The following SHANK2 variants were observed in gnomAD, a reference collection of about 807,000 sequenced individuals.
SHANK2 encodes SH3 and multiple ankyrin repeat domains protein 2.
SHANK2 carries 43 observed loss-of-function variants against 133.7 expected under a neutral mutation model. The observed-to-expected ratio is 0.32, with a 90% CI of 0.25 to 0.41. The LOEUF (loss-of-function observed/expected upper bound fraction) is 0.41, where lower values mean the gene tolerates loss of function less well. Among genes scored for constraint, SHANK2 ranks in the 10% least tolerant of loss-of-function variants. The pLI is 1.00. For synonymous variants in SHANK2, 1,017 were observed against 952.8 expected (o/e 1.07, Z -1.24); for missense variants, 1,994 against 2,235.8 (o/e 0.89, Z 2.18).
chr11:70,562,149 G>C (rs2059914688), intron 17 of SHANK2, among the ~76,000 whole-genome samples: 1 of 152,128 alleles, frequency 6.6e-6, no homozygotes, highest in African/African-American at 2.4e-5. Context: ...TTCCGTTTTG[G>C]TTAGAGCTCA....
chr11:70,571,765 T>G (rs2060048270), intron 17 of SHANK2, among the ~76,000 whole-genome samples: 1 of 151,650 alleles, frequency 6.6e-6, no homozygotes, highest in African/African-American at 2.4e-5. Flanking sequence ...GGAGAAGTGA[T>G]GAACCCTGAG....
At chr11:70,874,067 T>C (rs1555070717) in intron 11 of SHANK2, among the ~76,000 whole-genome samples, 12 of 152,206 alleles carry the variant, frequency 7.9e-5, no homozygotes. Context: ...CATCTACCTA[T>C]AGATCCATCC....
At chr11:71,206,946 C>T (rs1200189550) in intron 2 of SHANK2, among the ~76,000 whole-genome samples, 1 of 152,000 alleles carries the variant, frequency 6.6e-6, no homozygotes, top group Non-Finnish European at 1.5e-5. Flanking sequence ...ATTAGCCAGG[C>T]ATGGTTGTGC....
intron 11 of SHANK2, among the ~76,000 whole-genome samples, chr11:70,887,460 G>A (rs1949765418): frequency 2.0e-5 from 3 of 151,526 alleles, no homozygotes; most frequent in African/African-American, 4.9e-5. Context: ...AGAACGCTTC[G>A]CGGCAGGCTG....
Position 70,500,873 on chromosome 11 carries a change from C to A in SHANK2, c.2288-283G>T. On this transcript the variant is annotated intron_variant, in intron 20 of 25. Transcript: ENST00000601538. This position sits in a 1 kb window ranked among gnomAD's most constrained non-coding sequence, Gnocchi z 4.5. ...TTCCTTCTTCCTCAGCACCCCTTGT[C>A]CCACCAGCACCCTGCCAAAGTAGGG... 1 of 664,548 alleles carries A rather than the reference C, an allele frequency of 1.5e-6. No homozygotes were observed. Among genetic ancestry groups the A allele is most frequent in the Non-Finnish European group, 2.8e-6 (1 of 360,602 alleles). The allele number at this position is 664,548 out of a possible 1,614,324, so 41.2% of individuals were successfully genotyped here. A position where few individuals can be genotyped will look rare whatever the true frequency, so the allele number is the denominator to read the frequency against.
chr11:70,525,754 G>T (rs1021095561), intron 17 of SHANK2, among the ~76,000 whole-genome samples: 1 of 151,942 alleles, frequency 6.6e-6, no homozygotes, highest in Non-Finnish European at 1.5e-5. Flanking sequence ...CACTCAGAAG[G>T]GGATCTCTGC....
intron 17 of SHANK2, among the ~76,000 whole-genome samples, chr11:70,576,738 CAT>C (rs1204640334): frequency 6.6e-6 from 1 of 152,232 alleles, no homozygotes; most frequent in Non-Finnish European, 1.5e-5. Context: ...TCCGTTTCCC[CAT>C]CAGTAAGACT....
At position 71,102,399 on chromosome 11, in the gene SHANK2, G is replaced by A. The variant is rs536294574; in HGVS notation, c.592+7542C>T. 5.3e-5 allele frequency among the ~76,000 whole-genome samples: 8 copies of A among 152,196 alleles called. No individual in the cohort carries two copies. In the East Asian group the frequency reaches 5.8e-4, roughly 11 times the overall value. On this transcript the variant is annotated intron_variant, in intron 6 of 25. Coordinates refer to ENST00000601538, the MANE Select transcript of SHANK2 (RefSeq NM_012309.5). The stretch of plus-strand genomic sequence containing the variant: ...TTCCACTGGGATTTAATTATCTCAG[G>A]CTAGAGGGCTGCTTCCCTCCGCTCC...
chr11:70,672,726 C>T (rs1398465902), intron 15 of SHANK2, among the ~76,000 whole-genome samples: 3 of 152,226 alleles, frequency 2.0e-5, no homozygotes, highest in Admixed American at 6.5e-5. Flanking sequence ...TTTGCTTGTT[C>T]ACTCATTTGC....
intron 3 of SHANK2, among the ~76,000 whole-genome samples, chr11:71,130,835 C>G (rs1353381844): frequency 6.6e-6 from 1 of 152,196 alleles, no homozygotes; most frequent in Admixed American, 6.5e-5. Context: ...AAACGCAGAC[C>G]CCGGGGACGA....
chr11:70,829,528 A>G (rs775756361), intron 11 of SHANK2, among the ~76,000 whole-genome samples: 19 of 151,978 alleles, frequency 1.3e-4, no homozygotes, highest in Middle Eastern at 3.4e-3. Flanking sequence ...CCTGCACCCC[A>G]TGTCCCATCT....
chr11:70,902,440 C>T (rs1436119311), intron 10 of SHANK2, among the ~76,000 whole-genome samples: 4 of 152,214 alleles, frequency 2.6e-5, no homozygotes, highest in African/African-American at 4.8e-5. Flanking sequence ...CAGCCCCTGC[C>T]GCCTCCCCAC....
At chr11:70,826,751 CCCGGCT>C in intron 11 of SHANK2, 1 of 308,558 alleles carries the variant, frequency 3.2e-6, no homozygotes, top group Non-Finnish European at 6.5e-6. Context: ...TGCTCTCAAA[CCCGGCT>C]ACCTCTCGCG....
intron 17 of SHANK2, among the ~76,000 whole-genome samples, chr11:70,582,954 T>C (rs1554985822): frequency 6.6e-6 from 1 of 152,194 alleles, no homozygotes; most frequent in Non-Finnish European, 1.5e-5. Flanking sequence ...CAGGGTCTGC[T>C]GTGCAGCTCA....
At chr11:70,520,125 G>C (rs1411642670) in intron 17 of SHANK2, among the ~76,000 whole-genome samples, 1 of 152,030 alleles carries the variant, frequency 6.6e-6, no homozygotes, top group East Asian at 1.9e-4. Context: ...TCAGTATCTG[G>C]AGTTCCCATA....
chr11:70,941,072 A>G (rs1555084333), intron 10 of SHANK2, among the ~76,000 whole-genome samples: 1 of 152,316 alleles, frequency 6.6e-6, no homozygotes, highest in South Asian at 2.1e-4. Context: ...TTGGTGTCTG[A>G]TAGTCCCCAA....
intron 4 of SHANK2, among the ~76,000 whole-genome samples, chr11:71,118,517 C>A (rs1952024418): frequency 6.6e-6 from 1 of 152,150 alleles, no homozygotes; most frequent in Non-Finnish European, 1.5e-5. Context: ...ACCATCAGAT[C>A]TCGTGAGACC....
At position 70,850,116 on chromosome 11, in the gene SHANK2, G is replaced by A. The variant is rs782650992; in HGVS notation, c.1175-29434C>T. ...TACAGGATTTATCCTTTAGTGACCAGTTTCTTTCACTCAGCACAGTGCCCT... is the reference window on the plus strand; with the variant it reads ...TACAGGATTTATCCTTTAGTGACCAATTTCTTTCACTCAGCACAGTGCCCT... On this transcript the variant is annotated intron_variant, in intron 11 of 25. Transcript: ENST00000601538. Among the ~76,000 whole-genome samples the A allele has an allele frequency of 2.0e-5, 3 of 152,248 alleles. No homozygotes were observed. The South Asian group carries it at 6.2e-4, about 32-fold the overall frequency.
At chr11:70,532,366 G>T (rs542356017) in intron 17 of SHANK2, among the ~76,000 whole-genome samples, 15 of 152,328 alleles carry the variant, frequency 9.8e-5, no homozygotes, top group African/African-American at 3.4e-4. Flanking sequence ...CCCATGCTGT[G>T]CACAGCTGCT....
Sources: gnomAD v4.1 joint callset for allele counts (sites outside exome capture counted in the v4.1 genomes callset) on GRCh38, gnomAD v4.1.1 for gene constraint, Gnocchi (gnomAD v3.1) non-coding constraint, MANE v1.5 for transcripts, NCBI Gene and HGNC (gene_info 2026-07-23, HGNC 2026-07-21) for gene names.